The following LRP1B variants were observed in gnomAD, a reference collection of about 807,000 sequenced individuals.
LRP1B encodes the protein low-density lipoprotein receptor-related protein 1B.
Under a neutral mutation model 556.6 loss-of-function variants are expected in LRP1B, and 217 were observed. The observed-to-expected ratio is 0.39, with a 90% confidence interval of 0.35 to 0.44. LRP1B has a LOEUF of 0.44. Ranked by LOEUF, LRP1B falls within the 20% of genes least tolerant of loss-of-function variation. The probability of loss-of-function intolerance (pLI) is 1.00; values close to 1 mark genes in which losing one functional copy is unlikely to be tolerated. For synonymous variants in LRP1B, 2,047 were observed against 1,865.8 expected (o/e 1.10, Z -2.50); for missense variants, 5,053 against 5,620.8 (o/e 0.90, Z 3.23).
At chr2:141,776,433 G>A (rs942252107) in intron 2 of LRP1B, among the ~76,000 whole-genome samples, 11 of 152,192 alleles carry the variant, frequency 7.2e-5, no homozygotes, top group Admixed American at 2.0e-4. Flanking sequence ...TTCACATCAC[G>A]CAGAGCTTAT....
At chr2:141,065,872 T>C (rs1376101168) in intron 7 of LRP1B, among the ~76,000 whole-genome samples, 1 of 151,794 alleles carries the variant, frequency 6.6e-6, no homozygotes, top group African/African-American at 2.4e-5. Context: ...AGGTTAGCAC[T>C]CTCCCTGGAA....
intron 2 of LRP1B, among the ~76,000 whole-genome samples, chr2:141,638,268 C>G (rs549400773): frequency 6.6e-6 from 1 of 152,212 alleles, no homozygotes; most frequent in Non-Finnish European, 1.5e-5. Flanking sequence ...GTGCTGGCTC[C>G]CCTTTTGCCT....
chr2:141,778,601 G>A (rs1695149419), intron 2 of LRP1B, among the ~76,000 whole-genome samples: 1 of 152,180 alleles, frequency 6.6e-6, no homozygotes, highest in Non-Finnish European at 1.5e-5. Context: ...CCAAAGAGCT[G>A]ACTGCATTTT....
chr2:141,677,623 G>C (rs558854882), intron 2 of LRP1B, among the ~76,000 whole-genome samples: 1 of 152,058 alleles, frequency 6.6e-6, no homozygotes, highest in Non-Finnish European at 1.5e-5. Context: ...CCTAGTAGCT[G>C]GGATTACAGG....
chr2:141,975,463 C>G (rs1221104563), intron 1 of LRP1B, among the ~76,000 whole-genome samples: 8 of 151,912 alleles, frequency 5.3e-5, no homozygotes. Context: ...AGGCGCTATC[C>G]CAGGCAAAGC....
rs1372310178 is a variant in LRP1B at position 140,361,351 on chromosome 2, T to TATATATAC, written c.11132-2406_11132-2405insGTATATAT. ...ATGCTACTTGGAAAGCATATATATA[T>TATATATAC]ATATATATATATATATATATATATA... On this transcript the variant is annotated intron_variant, in intron 72 of 90. Transcript: ENST00000389484. Among the ~76,000 whole-genome samples the TATATATAC allele has an allele frequency of 2.5e-4, 27 of 106,668 alleles. 1 individual carries two copies. Among genetic ancestry groups the TATATATAC allele is most frequent in the African/African-American group, 1.0e-3 (26 of 25,282 alleles). The allele number at this position is 106,668 out of a possible 152,430, so 70.0% of individuals were successfully genotyped here.
At chr2:141,056,262 A>G (rs991001512) in intron 9 of LRP1B, among the ~76,000 whole-genome samples, 1 of 151,872 alleles carries the variant, frequency 6.6e-6, no homozygotes, top group Non-Finnish European at 1.5e-5. Flanking sequence ...TCTCCTCTCA[A>G]CTAATCAACA....
chr2:142,042,818 C>A (rs1704110666), intron 1 of LRP1B, among the ~76,000 whole-genome samples: 1 of 151,504 alleles, frequency 6.6e-6, no homozygotes. Context: ...TTTTTACAGA[C>A]ACACAAAGAA....
At chr2:141,601,565 T>C (rs72855477) in intron 2 of LRP1B, among the ~76,000 whole-genome samples, 13,070 of 151,680 alleles carry the variant, frequency 0.086, 710 homozygotes, top group South Asian at 0.2. Context: ...TAGACTATAT[T>C]AGTAGCGTGA....
chr2:140,945,478 C>G (rs892598791), intron 20 of LRP1B, among the ~76,000 whole-genome samples: 1 of 152,070 alleles, frequency 6.6e-6, no homozygotes, highest in South Asian at 2.1e-4. Flanking sequence ...GCTACAGTAG[C>G]CCAAACAGCA....
intron 41 of LRP1B, among the ~76,000 whole-genome samples, chr2:140,623,796 G>A (rs1327367573): frequency 6.6e-6 from 1 of 151,686 alleles, no homozygotes; most frequent in Non-Finnish European, 1.5e-5. Flanking sequence ...GTATGTGCCT[G>A]TAATTCCAGC....
At chr2:140,819,515 TG>T (rs1691245200) in intron 31 of LRP1B, among the ~76,000 whole-genome samples, 1 of 151,692 alleles carries the variant, frequency 6.6e-6, no homozygotes, top group African/African-American at 2.4e-5. Context: ...AATTGAAAAA[TG>T]GGCAAAAGAG....
chr2:140,846,745 A>G (rs1692285113), intron 29 of LRP1B, among the ~76,000 whole-genome samples: 1 of 152,106 alleles, frequency 6.6e-6, no homozygotes, highest in African/African-American at 2.4e-5. Flanking sequence ...GTGAGAAAAT[A>G]CAGAGACCCA....
At chr2:141,348,122 T>C (rs563252602) in intron 3 of LRP1B, among the ~76,000 whole-genome samples, 1 of 152,104 alleles carries the variant, frequency 6.6e-6, no homozygotes, top group East Asian at 1.9e-4. Flanking sequence ...TAAATGCAAA[T>C]AAAAATTTCA....
chr2:141,973,685 A>T (rs1013617167), intron 1 of LRP1B, among the ~76,000 whole-genome samples: 1 of 152,014 alleles, frequency 6.6e-6, no homozygotes, highest in South Asian at 2.1e-4. Flanking sequence ...TTATAATTTG[A>T]GCAAAGCGGT....
At chr2:141,071,838 C>T (rs1387963377) in intron 7 of LRP1B, among the ~76,000 whole-genome samples, 1 of 152,088 alleles carries the variant, frequency 6.6e-6, no homozygotes, top group Non-Finnish European at 1.5e-5. Context: ...CAAACCACTG[C>T]TCGATGAAAT....
At chr2:141,117,595 T>C (rs543654212) in intron 7 of LRP1B, among the ~76,000 whole-genome samples, 1 of 152,192 alleles carries the variant, frequency 6.6e-6, no homozygotes, top group South Asian at 2.1e-4. Context: ...ACAGTGATTT[T>C]TAACTTCGTG....
chr2:140,857,954 A>G (rs1171250567), intron 27 of LRP1B, among the ~76,000 whole-genome samples: 4 of 152,150 alleles, frequency 2.6e-5, no homozygotes, highest in Non-Finnish European at 4.4e-5. Context: ...AAAAAAAAAC[A>G]TATCAGGGAA....
At chr2:141,627,473 G>A (rs995128539) in intron 2 of LRP1B, among the ~76,000 whole-genome samples, 37 of 152,198 alleles carry the variant, frequency 2.4e-4, no homozygotes, top group Non-Finnish European at 1.3e-4. Context: ...GGGCCGCACA[G>A]CAGGAGATGA....
Sources: allele counts gnomAD v4.1 joint callset (sites outside exome capture counted in the v4.1 genomes callset), GRCh38; gene constraint gnomAD v4.1.1; transcripts MANE v1.5; gene names NCBI Gene and HGNC (gene_info 2026-07-23, HGNC 2026-07-21).